Variants in TAOK3 observed in about 807,000 individuals in gnomAD.
TAOK3 encodes the protein TAO kinase 3.
A neutral mutation model predicts 120.4 loss-of-function variants in TAOK3; 40 were observed. The ratio of observed to expected loss-of-function variants is 0.33; its 90% CI spans 0.26 to 0.43. The LOEUF is 0.43. TAOK3 is among the 20% of genes least tolerant of loss of function. The probability of loss-of-function intolerance (pLI) is 1.00; values close to 1 mark genes in which losing one functional copy is unlikely to be tolerated. For synonymous variants in TAOK3, 355 were observed against 387.5 expected (o/e 0.92, Z 0.99); for missense variants, 821 against 1,112.1 (o/e 0.74, Z 3.72).
chr12:118,339,006 A>AGT (rs141538583), intron 1 of TAOK3, among the ~76,000 whole-genome samples: 7 of 152,120 alleles, frequency 4.6e-5, no homozygotes, highest in South Asian at 2.1e-4. Context: ...ACCAGCAAAG[A>AGT]GTGTGGTGTG....
intron 1 of TAOK3, among the ~76,000 whole-genome samples, chr12:118,309,658 G>C (rs866935237): frequency 6.6e-6 from 1 of 151,900 alleles, no homozygotes; most frequent in Non-Finnish European, 1.5e-5. Flanking sequence ...TGGGATTACA[G>C]GCGCCTGCCA....
chr12:118,191,463 C>A (rs1490879676), intron 13 of TAOK3, among the ~76,000 whole-genome samples: 1 of 152,000 alleles, frequency 6.6e-6, no homozygotes, highest in East Asian at 1.9e-4. Flanking sequence ...AAATTAAATT[C>A]AATTAAAATT....
At chr12:118,210,504 T>A (rs904031012) in intron 11 of TAOK3, among the ~76,000 whole-genome samples, 8 of 152,124 alleles carry the variant, frequency 5.3e-5, no homozygotes, top group African/African-American at 1.9e-4. Flanking sequence ...GTATGAATCT[T>A]TCTTTATTCC....
intron 15 of TAOK3, among the ~76,000 whole-genome samples, chr12:118,178,396 A>G (rs1441816847): frequency 1.3e-5 from 2 of 152,216 alleles, no homozygotes; most frequent in East Asian, 3.8e-4. Flanking sequence ...CTGATTAACT[A>G]TTCCAACTAT....
At chr12:118,284,610 T>C (rs1186449387) in intron 1 of TAOK3, among the ~76,000 whole-genome samples, 3 of 152,056 alleles carry the variant, frequency 2.0e-5, no homozygotes, top group Non-Finnish European at 2.9e-5. Context: ...TGGATAGACA[T>C]ACAGGTAGAG....
At chr12:118,274,343 T>C (rs148872679) in intron 1 of TAOK3, among the ~76,000 whole-genome samples, 4 of 152,214 alleles carry the variant, frequency 2.6e-5, no homozygotes, top group Admixed American at 6.5e-5. Flanking sequence ...AAAAGGACCT[T>C]AGTGATCATC....
intron 14 of TAOK3, among the ~76,000 whole-genome samples, chr12:118,184,913 C>T (rs140862138): frequency 1.3e-5 from 2 of 152,278 alleles, no homozygotes; most frequent in East Asian, 1.9e-4. Context: ...CTGTCTTCCT[C>T]AGGGTCAGAG....
chr12:118,243,071 A>G (rs1020761429), intron 5 of TAOK3, among the ~76,000 whole-genome samples: 1 of 152,072 alleles, frequency 6.6e-6, no homozygotes, highest in Non-Finnish European at 1.5e-5. Flanking sequence ...TATGGGGGGA[A>G]CTGGAGTGGA....
intron 1 of TAOK3, among the ~76,000 whole-genome samples, chr12:118,300,317 AGCACTTTG>A (rs1315497163): frequency 6.6e-6 from 1 of 152,228 alleles, no homozygotes; most frequent in Non-Finnish European, 1.5e-5. Context: ...TTTTCTGCTC[AGCACTTTG>A]GCAGGCATCG....
chr12:118,151,117 C>T lies in TAOK3; in HGVS notation c.2577G>A (p.Glu859=). 1 of 1,613,864 alleles carries T rather than the reference C, an allele frequency of 6.2e-7. No individual in the cohort carries two copies. Among genetic ancestry groups the T allele is most frequent in the Non-Finnish European group, 8.5e-7 (1 of 1,180,028 alleles). Reference sequence around the variant, plus strand: ...GCCTTTCCAATAGGTTCTTTATTCTCTCGCTGCGTTCCTTCTGAAGGGCAG... The same window carrying T: ...GCCTTTCCAATAGGTTCTTTATTCTTTCGCTGCGTTCCTTCTGAAGGGCAG... ...ELAALQKERS[E]RIKNLLERQE... Residue 859 remains glutamate, a synonymous_variant, in exon 21 of 21, where the codon GAG becomes GAA. Transcript: ENST00000392533.
At chr12:118,315,923 C>A (rs934277385) in intron 1 of TAOK3, among the ~76,000 whole-genome samples, 2 of 152,094 alleles carry the variant, frequency 1.3e-5, no homozygotes, top group Non-Finnish European at 2.9e-5. Context: ...GATAGTTTTC[C>A]AGGCTCACTG....
intron 1 of TAOK3, among the ~76,000 whole-genome samples, chr12:118,317,867 C>T (rs1457070696): frequency 1.3e-5 from 2 of 152,104 alleles, no homozygotes; most frequent in South Asian, 2.1e-4. Flanking sequence ...TTTCCTGCAG[C>T]TTATTACAAA....
At chr12:118,176,345 A>G (rs2036324932) in intron 16 of TAOK3, among the ~76,000 whole-genome samples, 1 of 152,150 alleles carries the variant, frequency 6.6e-6, no homozygotes, top group Non-Finnish European at 1.5e-5. Flanking sequence ...GGTTGAGGGT[A>G]GGGGCAGCAT....
chr12:118,155,606 G>A (rs2034766576), intron 19 of TAOK3, among the ~76,000 whole-genome samples: 1 of 152,144 alleles, frequency 6.6e-6, no homozygotes, highest in African/African-American at 2.4e-5. Flanking sequence ...CTTGCCACAT[G>A]GTAAGTAGTC....
intron 2 of TAOK3, among the ~76,000 whole-genome samples, chr12:118,260,866 A>G (rs2041198802): frequency 6.6e-6 from 1 of 152,170 alleles, no homozygotes; most frequent in African/African-American, 2.4e-5. Flanking sequence ...TTTTTAGTAG[A>G]GACAGGGTTT....
chr12:118,164,048 G>A (rs2035408410), intron 17 of TAOK3, among the ~76,000 whole-genome samples: 1 of 151,696 alleles, frequency 6.6e-6, no homozygotes, highest in Admixed American at 6.6e-5. Flanking sequence ...AGGAGCCTGG[G>A]GCGGTGGCTC....
At chr12:118,214,271 A>G in intron 9 of TAOK3, 161 bp from the exon 10 acceptor site, 1 of 556,292 alleles carries the variant, frequency 1.8e-6, no homozygotes. Context: ...GGCCCAAGAT[A>G]GCCATTCAGA....
chr12:118,222,888 T>C (rs536490010), intron 9 of TAOK3, among the ~76,000 whole-genome samples: 2 of 151,872 alleles, frequency 1.3e-5, no homozygotes, highest in South Asian at 4.1e-4. Flanking sequence ...AATTCATCCA[T>C]GTAAACAAAA....
intron 9 of TAOK3, among the ~76,000 whole-genome samples, chr12:118,215,531 C>A (rs1425541732): frequency 2.6e-5 from 4 of 151,378 alleles, no homozygotes; most frequent in Non-Finnish European, 5.9e-5. Context: ...ACAACAACAA[C>A]AAAAATCACT....
Sources: allele counts gnomAD v4.1 joint callset (sites outside exome capture counted in the v4.1 genomes callset), GRCh38; gene constraint gnomAD v4.1.1; transcripts MANE v1.5; gene names NCBI Gene and HGNC (gene_info 2026-07-23, HGNC 2026-07-21).